The following TGDS variants were observed in gnomAD, a reference collection of about 807,000 sequenced individuals.
The protein encoded by TGDS is TDP-glucose 4,6-dehydratase.
TGDS carries 47 observed loss-of-function variants against 52.3 expected under a neutral mutation model. The observed-to-expected ratio is 0.90, with a 90% CI of 0.71 to 1.15. TGDS has a LOEUF of 1.15. Ranked by LOEUF, TGDS falls within the 50% of genes most tolerant of loss-of-function variation. The pLI is 0.00. For synonymous variants in TGDS, 115 were observed against 136.9 expected (o/e 0.84, Z 1.12); for missense variants, 375 against 418.4 (o/e 0.90, Z 0.90).
intron 3 of TGDS, among the ~76,000 whole-genome samples, chr13:94,591,780 T>C (rs1889210834): frequency 6.6e-6 from 1 of 152,270 alleles, no homozygotes; most frequent in Non-Finnish European, 1.5e-5. Flanking sequence ...GTTGTTAGTA[T>C]ATTCTTTAAG....
intron 3 of TGDS, 25 bp downstream of exon 3, chr13:94,592,216 T>G: frequency 3.2e-6 from 5 of 1,557,514 alleles, no homozygotes; most frequent in Non-Finnish European, 4.4e-6. Context: ...AGAGGCACGG[T>G]ACAGTTACAA....
At chr13:94,582,714 G>C (rs977620558) in intron 5 of TGDS, among the ~76,000 whole-genome samples, 7 of 152,330 alleles carry the variant, frequency 4.6e-5, no homozygotes, top group African/African-American at 1.7e-4. Flanking sequence ...AGAGTGGCTA[G>C]AATATAAAGC....
At chr13:94,588,317 G>A (rs1206095018) in intron 4 of TGDS, among the ~76,000 whole-genome samples, 1 of 150,246 alleles carries the variant, frequency 6.7e-6, no homozygotes, top group Non-Finnish European at 1.5e-5. Flanking sequence ...TAGCTACTCA[G>A]GAGGCTGAGG....
At chr13:94,595,793 G>A (rs1258733858) in intron 1 of TGDS, among the ~76,000 whole-genome samples, 7 of 152,034 alleles carry the variant, frequency 4.6e-5, no homozygotes, top group African/African-American at 1.7e-4. Context: ...GGAGTGACAT[G>A]GTGAGCACCT....
At chr13:94,587,470 G>A (rs1054465077) in intron 4 of TGDS, among the ~76,000 whole-genome samples, 2 of 152,088 alleles carry the variant, frequency 1.3e-5, no homozygotes, top group Non-Finnish European at 1.5e-5. Context: ...TATAAGCACA[G>A]ACAAAGACCA....
intron 3 of TGDS, 54 bp downstream of exon 3, chr13:94,592,186 TA>T: frequency 7.5e-7 from 1 of 1,333,282 alleles, no homozygotes; most frequent in Non-Finnish European, 1.0e-6. Flanking sequence ...ACAAAGATAC[TA>T]TAATCTCTGC....
chr13:94,575,797 A>G (rs1413563868), intron 11 of TGDS, among the ~76,000 whole-genome samples: 1 of 152,152 alleles, frequency 6.6e-6, no homozygotes, highest in Non-Finnish European at 1.5e-5. Flanking sequence ...TACAGCTTTA[A>G]CATGTATACA....
At chr13:94,581,488 G>C (rs1193316522) in intron 5 of TGDS, among the ~76,000 whole-genome samples, 1 of 152,156 alleles carries the variant, frequency 6.6e-6, no homozygotes, top group South Asian at 2.1e-4. Context: ...AAAGCTAGAG[G>C]AAGGCCATAC....
chr13:94,585,889 T>C (rs1021634505), intron 4 of TGDS, among the ~76,000 whole-genome samples: 2 of 152,114 alleles, frequency 1.3e-5, no homozygotes, highest in Non-Finnish European at 2.9e-5. Context: ...GGCAAAGGTT[T>C]TGATGAACTT....
intron 10 of TGDS, among the ~76,000 whole-genome samples, chr13:94,576,928 C>G (rs1185988682): frequency 6.6e-6 from 1 of 152,070 alleles, no homozygotes; most frequent in Admixed American, 6.6e-5. Context: ...TGGTGCAAAC[C>G]CGTCTCTACT....
At chr13:94,586,693 T>A (rs1888995208) in intron 4 of TGDS, among the ~76,000 whole-genome samples, 1 of 151,854 alleles carries the variant, frequency 6.6e-6, no homozygotes, top group Admixed American at 6.6e-5. Flanking sequence ...CCCATACATG[T>A]TTGGAAATTA....
chr13:94,574,859 G>T lies in TGDS; in HGVS notation c.983-7C>A. The stretch of plus-strand genomic sequence containing the variant: ...TTCTCTCTGTACCATTCAACTAATA[G>T]GAAAAAACAAAAGACAAAAAAAAAA... On this transcript the variant is annotated splice_region_variant and splice_polypyrimidine_tract_variant and intron_variant, in intron 11 of 11. Transcript: ENST00000261296. 6.6e-7 allele frequency: 1 copy of T among 1,506,708 alleles called. No individual in the cohort carries two copies. Among genetic ancestry groups the T allele is most frequent in the Non-Finnish European group, 9.0e-7 (1 of 1,116,094 alleles). 93.3% of individuals were successfully genotyped at this position (1,506,708 alleles called of 1,614,324 possible). A position where few individuals can be genotyped will look rare whatever the true frequency, so the allele number is the denominator to read the frequency against.
intron 6 of TGDS, among the ~76,000 whole-genome samples, chr13:94,580,238 CG>C (rs1340597522): frequency 6.6e-6 from 1 of 152,158 alleles, no homozygotes; most frequent in Non-Finnish European, 1.5e-5. Flanking sequence ...TAGCAAAACA[CG>C]GAAGAACTTT....
intron 6 of TGDS, 84 bp downstream of exon 6, chr13:94,581,007 A>G: frequency 1.2e-6 from 1 of 831,010 alleles, no homozygotes; most frequent in Non-Finnish European, 1.8e-6. Context: ...TATTTTGAAA[A>G]AAAGAAAAAA....
rs976635336 is a variant in TGDS at position 94,590,784 on chromosome 13, A to C, written c.313+69T>G. The C allele has an allele frequency of 9.9e-6, 12 of 1,216,620 alleles. No individual in the cohort carries two copies. The African/African-American group carries it at 1.7e-4, about 18-fold the overall frequency. 75.4% of individuals were successfully genotyped at this position (1,216,620 alleles called of 1,614,324 possible). A position where few individuals can be genotyped will look rare whatever the true frequency, so the allele number is the denominator to read the frequency against. On this transcript the variant is annotated intron_variant, in intron 4 of 11. Coordinates refer to ENST00000261296, the MANE Select transcript of TGDS (RefSeq NM_014305.4). ...CAGTATGATATATCCTCTTTCAAAT[A>C]TAAGTATTAGGGGGGCGAGGGCGGG...
chr13:94,583,310 T>A, intron 4 of TGDS, 74 bp from the exon 5 acceptor site: 1 of 1,502,434 alleles, frequency 6.7e-7, no homozygotes, highest in Non-Finnish European at 9.0e-7. Context: ...TGGACTCAGG[T>A]TTAAGGAGAG....
At chr13:94,594,075 AC>A in intron 1 of TGDS, among the ~76,000 whole-genome samples, 168 bp from the exon 2 acceptor site, 1 of 152,356 alleles carries the variant, frequency 6.6e-6, no homozygotes, top group Middle Eastern at 3.4e-3. Flanking sequence ...CAAACTTTTT[AC>A]CAAACTTCTC....
upstream of TGDS, chr13:94,596,190 G>A: frequency 1.3e-6 from 2 of 1,567,528 alleles, no homozygotes; most frequent in Non-Finnish European, 1.7e-6. Flanking sequence ...AAAAGCGCAG[G>A]GAAGTTCCGC....
chr13:94,582,247 CTCCTTGAAAT>C (rs1888824846), intron 5 of TGDS, among the ~76,000 whole-genome samples: 1 of 152,050 alleles, frequency 6.6e-6, no homozygotes, highest in South Asian at 2.1e-4. Flanking sequence ...TTTACACTGT[CTCCTTGAAAT>C]TCCAATATGT....
Sources: allele counts gnomAD v4.1 joint callset (sites outside exome capture counted in the v4.1 genomes callset), GRCh38; gene constraint gnomAD v4.1.1; transcripts MANE v1.5; gene names NCBI Gene and HGNC (gene_info 2026-07-23, HGNC 2026-07-21).